Variants in IFT140 observed in about 807,000 individuals in gnomAD.
IFT140 encodes intraflagellar transport 140, also known as intraflagellar transport protein 140 homolog.
IFT140 carries 133 observed loss-of-function variants against 164.6 expected under a neutral mutation model. That is an observed-to-expected ratio of 0.81 (90% CI 0.70 to 0.93). IFT140 has a LOEUF of 0.93. Ranked by LOEUF, IFT140 falls within the 40% of genes least tolerant of loss-of-function variation. The pLI, the probability that IFT140 is intolerant of heterozygous loss-of-function variation, is 0.00. For synonymous variants in IFT140, 860 were observed against 817.3 expected, an observed-to-expected ratio of 1.05 and a Z score of -0.89; for missense variants, 2,045 against 1,972.3, an observed-to-expected ratio of 1.04 and a Z score of -0.70.
chr16:1,588,383 G>A (rs574560623), intron 7 of IFT140, among the ~76,000 whole-genome samples: 8 of 152,114 alleles, frequency 5.3e-5, no homozygotes, highest in African/African-American at 1.2e-4. Flanking sequence ...AAATTAGCCG[G>A]GCATTGTGGC....
chr16:1,515,343 C>G (rs2040306748), intron 30 of IFT140, among the ~76,000 whole-genome samples: 1 of 152,174 alleles, frequency 6.6e-6, no homozygotes, highest in African/African-American at 2.4e-5. Flanking sequence ...ATAGCTGACT[C>G]TTCCAGAAAC....
In IFT140 at chr16:1,564,225, C is replaced by T; in HGVS notation, c.1902-63G>A. 1.4e-6 allele frequency: 2 copies of T among 1,417,380 alleles called. No homozygotes were observed. The highest frequency in any genetic ancestry group is 1.4e-5 in the South Asian group (1 of 69,518). The allele number at this position is 1,417,380 out of a possible 1,614,324, so 87.8% of individuals were successfully genotyped here. On this transcript the variant is annotated intron_variant, in intron 16 of 30. Coordinates refer to ENST00000426508, the MANE Select transcript of IFT140 (RefSeq NM_014714.4). This position sits in a 1 kb window ranked among gnomAD's most constrained non-coding sequence, Gnocchi z 5.5. ...GGGCACTCCTGCTACCAGTCTCCCT[C>T]CCACACACATTCCCGAAGCCTCCAG... is the stretch of plus-strand genomic sequence containing the variant.
chr16:1,529,290 C>CGGGCCAGGCCCTCGTGGGG (rs1443880616), intron 19 of IFT140, among the ~76,000 whole-genome samples: 3 of 152,218 alleles, frequency 2.0e-5, no homozygotes, highest in Non-Finnish European at 4.4e-5. Flanking sequence ...TCCAAACCCA[C>CGGGCCAGGCCCTCGTGGGG]GGGCCAGGCC....
At chr16:1,608,709 A>G (rs2036199007) in intron 2 of IFT140, among the ~76,000 whole-genome samples, 1 of 152,030 alleles carries the variant, frequency 6.6e-6, no homozygotes, top group Non-Finnish European at 1.5e-5. Context: ...TAAAATAGCA[A>G]AAGAAACCTT....
At position 1,563,895 on chromosome 16, in the gene IFT140, G is replaced by A. The variant is rs569895303; in HGVS notation, c.2067+102C>T. 5.9e-3 allele frequency: 7,491 copies of A among 1,263,508 alleles called. 34 individuals carry two copies. The highest frequency in any genetic ancestry group is 6.5e-3 in the Non-Finnish European group (6,174 of 950,694). The allele number at this position is 1,263,508 out of a possible 1,614,324, so 78.3% of individuals were successfully genotyped here. On this transcript the variant is annotated intron_variant, in intron 17 of 30. Transcript: ENST00000426508. ...TCCCGCCTTGGCCTCCCACAGTGCC[G>A]GGATCACAGGCGTGAGCCACCGTGC...
chr16:1,520,156 G>T lies in IFT140; in HGVS notation c.3848C>A (p.Ala1283Asp). ...CTGGGCACAAGCGTCATAAAAGCCA[G>T]CCAGGAGGTCCAGGGCCCGCCCCTT... ...YTKGRALDLLAGFYDACAQVE... is the reference protein window; with the variant it reads ...YTKGRALDLLDGFYDACAQVE... The change falls in exon 28 of 31, where the codon GCT (alanine) becomes GAT (aspartate). Residue 1283 changes from alanine to aspartate, a missense_variant. By Grantham distance (126) the Ala-to-Asp change is moderately radical (BLOSUM62 -2). Coordinates refer to ENST00000426508, the MANE Select transcript of IFT140 (RefSeq NM_014714.4). 1 of 1,614,196 alleles carries T rather than the reference G, an allele frequency of 6.2e-7. No individual in the cohort carries two copies. The highest frequency in any genetic ancestry group is 8.5e-7 in the Non-Finnish European group (1 of 1,180,004).
Position 1,510,730 on chromosome 16 carries a change from C to T in IFT140, c.*214G>A. 1 of 596,526 alleles carries T rather than the reference C, an allele frequency of 1.7e-6. No homozygotes were observed. The highest frequency in any genetic ancestry group is 2.8e-5 in the East Asian group (1 of 35,220). The allele number at this position is 596,526 out of a possible 1,614,324, so 37.0% of individuals were successfully genotyped here. ...GAATGAATCCAAAAATCTAGTGGAG[C>T]TGCCGGGCACCCAGAGGCAGGTGGG... On this transcript the variant is annotated 3_prime_UTR_variant, in exon 31 of 31. Coordinates refer to ENST00000426508, the MANE Select transcript of IFT140 (RefSeq NM_014714.4).
chr16:1,590,739 C>T lies in IFT140; in HGVS notation c.635-959G>A, dbSNP rs537744577. Among the ~76,000 whole-genome samples, 13 of 152,260 alleles carry T rather than the reference C, an allele frequency of 8.5e-5. No homozygotes were observed. In the East Asian group the frequency reaches 2.1e-3, roughly 25 times the overall value. On this transcript the variant is annotated intron_variant, in intron 6 of 30. Transcript: ENST00000426508. ...TGCCCCTCCCCTCTCATCTTTTTCCCGATGGATAATGAGTTCTTATTTTTA... is the reference window on the plus strand; with the variant it reads ...TGCCCCTCCCCTCTCATCTTTTTCCTGATGGATAATGAGTTCTTATTTTTA...
At chr16:1,525,428 G>A in intron 21 of IFT140, 102 bp from the exon 22 acceptor site, 1 of 863,952 alleles carries the variant, frequency 1.2e-6, no homozygotes, top group East Asian at 2.5e-5. Flanking sequence ...CAGAGCGGTG[G>A]CCCTCGGGGT....
intron 19 of IFT140, among the ~76,000 whole-genome samples, chr16:1,530,426 C>T (rs868328691): frequency 6.6e-5 from 10 of 152,114 alleles, no homozygotes; most frequent in Admixed American, 3.3e-4. Context: ...CCACTGCGCC[C>T]GGCCCACAAC....
At chr16:1,543,689 C>A (rs186297340) in intron 19 of IFT140, among the ~76,000 whole-genome samples, 1 of 152,208 alleles carries the variant, frequency 6.6e-6, no homozygotes, top group African/African-American at 2.4e-5. Flanking sequence ...GGACTGACTC[C>A]GCCTCCTCCC....
Position 1,568,352 on chromosome 16 carries a change from G to T in IFT140, c.1653-18C>A. On this transcript the variant is annotated intron_variant, in intron 14 of 30. Transcript: ENST00000426508. ...TGGCCTCTCTGCAGGGAGGAAGAGG[G>T]ACCTCAGTGCCCGCCAGAGGCCCAG... 6.3e-7 allele frequency: 1 copy of T among 1,592,978 alleles called. No individual in the cohort carries two copies.
rs927007229 is a variant in IFT140 at position 1,545,886 on chromosome 16, G to A, written c.2399+12049C>T. 2.6e-5 allele frequency among the ~76,000 whole-genome samples: 4 copies of A among 152,146 alleles called. No homozygotes were observed. In the South Asian group the frequency reaches 6.2e-4, roughly 24 times the overall value. ...GGTCTGCAAAGGGACCACCCTCCTC[G>A]CCCCTCAAGGCTCCCTCTTCCCTGC... On this transcript the variant is annotated intron_variant, in intron 19 of 30. Transcript: ENST00000426508.
At chr16:1,562,239 T>C (rs1440055756) in intron 17 of IFT140, 123 bp from the exon 18 acceptor site, 3 of 774,492 alleles carry the variant, frequency 3.9e-6, no homozygotes, top group Non-Finnish European at 5.6e-6. Flanking sequence ...CACTGCGTCA[T>C]GGTGGGGTCG....
At position 1,560,577 on chromosome 16, in the gene IFT140, G is replaced by A. The variant is rs2003343; in HGVS notation, c.2199+1408C>T. On this transcript the variant is annotated intron_variant, in intron 18 of 30. Coordinates refer to ENST00000426508, the MANE Select transcript of IFT140 (RefSeq NM_014714.4). ...GTGTGTGTGGAGCCGGTGCGCCCGCGGTCCACCGTGGTGGCTGCTGGTGCA... is the reference window on the plus strand; with the variant it reads ...GTGTGTGTGGAGCCGGTGCGCCCGCAGTCCACCGTGGTGGCTGCTGGTGCA... 6.6e-3 allele frequency among the ~76,000 whole-genome samples: 1,007 copies of A among 152,172 alleles called. 8 individuals are homozygous for A. Among genetic ancestry groups the A allele is most frequent in the Admixed American group, 8.8e-3 (134 of 15,300 alleles).
At chr16:1,583,656 TCTTTC>T (rs1284089556) in intron 11 of IFT140, among the ~76,000 whole-genome samples, 2 of 152,056 alleles carry the variant, frequency 1.3e-5, no homozygotes, top group South Asian at 4.2e-4. Flanking sequence ...AGTATCCCTC[TCTTTC>T]CTTTATTTAC....
chr16:1,557,144 C>T (rs1015616219), intron 19 of IFT140, among the ~76,000 whole-genome samples: 2 of 152,182 alleles, frequency 1.3e-5, no homozygotes, highest in Admixed American at 6.5e-5. Context: ...AAACTGGCCA[C>T]AGGGTCAATT....
chr16:1,577,499 G>T (rs1211014632), intron 13 of IFT140: 4 of 152,168 alleles, frequency 2.6e-5, no homozygotes, highest in Non-Finnish European at 5.9e-5. Context: ...GTTATATGGG[G>T]ATTTTCAACT....
intron 30 of IFT140, among the ~76,000 whole-genome samples, chr16:1,513,747 C>T (rs1402357012): frequency 6.6e-6 from 1 of 150,706 alleles, no homozygotes; most frequent in Admixed American, 6.6e-5. Context: ...GATCTCTGCT[C>T]ACTGCAAGCT....
Sources: allele counts gnomAD v4.1 joint callset (sites outside exome capture counted in the v4.1 genomes callset), GRCh38; gene constraint gnomAD v4.1.1; non-coding constraint Gnocchi (gnomAD v3.1); transcripts MANE v1.5; gene names NCBI Gene and HGNC (gene_info 2026-07-23, HGNC 2026-07-21).